Variants in SYNPO observed in about 807,000 individuals in gnomAD.
SYNPO encodes synaptopodin.
A neutral mutation model predicts 49.5 loss-of-function variants in SYNPO; 19 were observed. The observed-to-expected ratio is 0.38, with a 90% confidence interval of 0.27 to 0.56. The LOEUF (loss-of-function observed/expected upper bound fraction) is 0.56, where lower values mean the gene tolerates loss of function less well. Ranked by LOEUF, SYNPO falls within the 20% of genes least tolerant of loss-of-function variation. SYNPO has a pLI of 0.68. For synonymous variants in SYNPO, 536 were observed against 548.0 expected (o/e 0.98, Z 0.31); for missense variants, 1,131 against 1,248.3 (o/e 0.91, Z 1.42).
Position 150,643,566 on chromosome 5 carries a change from G to A in SYNPO, c.-333+2712G>A, listed in dbSNP as rs183947081. Reference sequence around the variant, plus strand: ...GTTGTTGTTGTTGAGATGGAATGTCGCTCTGTTGCCCAGGCTGCAGTGCAG... The same window carrying A: ...GTTGTTGTTGTTGAGATGGAATGTCACTCTGTTGCCCAGGCTGCAGTGCAG... On this transcript the variant is annotated intron_variant, in intron 1 of 2. Transcript: ENST00000307662. 3.3e-5 allele frequency among the ~76,000 whole-genome samples: 5 copies of A among 152,214 alleles called. No homozygotes were observed. The East Asian group carries it at 7.8e-4, about 24-fold the overall frequency.
At position 150,657,432 on chromosome 5, in the gene SYNPO, TCACACACACACACACACACA is replaced by T. The variant is rs58828199; in HGVS notation, c.*371_*390del. The T allele has an allele frequency of 5.7e-5, 8 of 139,746 alleles. No homozygotes were observed. Among genetic ancestry groups the T allele is most frequent in the African/African-American group, 1.4e-4 (5 of 35,212 alleles). The allele number at this position is 139,746 out of a possible 1,614,324, so 8.7% of individuals were successfully genotyped here. ...CTCTCTCTTTCTCTCTCTCTCTCTC[TCACACACACACACACACACA>T]CACACACACACACACACACACACAC... On this transcript the variant is annotated 3_prime_UTR_variant, in exon 3 of 3. Coordinates refer to ENST00000307662, the MANE Select transcript of SYNPO (RefSeq NM_007286.6).
At chr5:150,588,209 C>T in the SYNPO span, among the ~76,000 whole-genome samples, 1 of 152,192 alleles carries the variant, frequency 6.6e-6, no homozygotes, top group African/African-American at 2.4e-5. Context: ...GTCTGAGGAC[C>T]AACCTCCAAC....
intron 2 of SYNPO, among the ~76,000 whole-genome samples, chr5:150,627,269 G>A (rs1390682190): frequency 6.6e-6 from 1 of 152,210 alleles, no homozygotes; most frequent in Non-Finnish European, 1.5e-5. Flanking sequence ...GCAGGCTCTG[G>A]TCCCCATTGT....
At chr5:150,588,776 C>CT in the SYNPO span, among the ~76,000 whole-genome samples, 2,348 of 151,004 alleles carry the variant, frequency 0.016, 64 homozygotes, top group African/African-American at 0.054. Context: ...AATATGGAAC[C>CT]TTTTTTTTTA....
rs1348671791 is a variant in SYNPO, at chr5:150,657,454, A to T, written c.*367A>T. On this transcript the variant is annotated 3_prime_UTR_variant, in exon 3 of 3. Transcript: ENST00000307662. ...CTCTCACACACACACACACACACAC[A>T]CACACACACACACACACACACACTA... is the stretch of plus-strand genomic sequence containing the variant. 1.8e-5 allele frequency: 4 copies of T among 221,728 alleles called. No individual in the cohort carries two copies. Among genetic ancestry groups the T allele is most frequent in the African/African-American group, 6.9e-5 (3 of 43,654 alleles). The allele number at this position is 221,728 out of a possible 1,614,324, so 13.7% of individuals were successfully genotyped here.
intron 1 of SYNPO, among the ~76,000 whole-genome samples, chr5:150,643,184 G>T (rs1295027706): frequency 6.6e-6 from 1 of 152,216 alleles, no homozygotes; most frequent in East Asian, 1.9e-4. Context: ...CCAGCCAGGA[G>T]CCTGGTGCTC....
At position 150,657,244 on chromosome 5, in the gene SYNPO, G is replaced by A; in HGVS notation, c.*157G>A. 2 of 778,832 alleles carry A rather than the reference G, an allele frequency of 2.6e-6. No individual in the cohort carries two copies. Among genetic ancestry groups the A allele is most frequent in the South Asian group, 1.8e-5 (1 of 54,074 alleles). 48.2% of individuals were successfully genotyped at this position (778,832 alleles called of 1,614,324 possible). A position where few individuals can be genotyped will look rare whatever the true frequency, so the allele number is the denominator to read the frequency against. ...GGGGATGGGTTAGGGACGCAAGCTT[G>A]AGTTCTAGCCCTTGCTCTCATTCAG... On this transcript the variant is annotated 3_prime_UTR_variant, in exon 3 of 3. Transcript: ENST00000307662.
intron 2 of SYNPO, among the ~76,000 whole-genome samples, chr5:150,655,963 C>A (rs1412098606): frequency 6.6e-6 from 1 of 152,218 alleles, no homozygotes; most frequent in Non-Finnish European, 1.5e-5. Context: ...TCTGGTATTT[C>A]TTTATGGTAA....
intron 2 of SYNPO, among the ~76,000 whole-genome samples, chr5:150,629,992 G>A (rs368558225): frequency 7.9e-5 from 12 of 152,134 alleles, no homozygotes; most frequent in East Asian, 3.8e-4. Context: ...ACCTATCCCA[G>A]AACAGACAGC....
chr5:150,634,977 A>G (rs751160692), intron 2 of SYNPO, among the ~76,000 whole-genome samples: 21 of 152,194 alleles, frequency 1.4e-4, no homozygotes, highest in Non-Finnish European at 1.9e-4. Flanking sequence ...TATGACTGAG[A>G]TGCAGAGATC....
chr5:150,594,797 G>A, the SYNPO span, among the ~76,000 whole-genome samples: 1 of 152,208 alleles, frequency 6.6e-6, no homozygotes, highest in African/African-American at 2.4e-5. Context: ...GAGGCTCAGA[G>A]ATGGGGAAAG....
At chr5:150,636,124 C>T (rs1757707790), upstream of SYNPO, among the ~76,000 whole-genome samples, 1 of 152,176 alleles carries the variant, frequency 6.6e-6, no homozygotes, top group African/African-American at 2.4e-5. Flanking sequence ...TCCCTTCATG[C>T]CTGTGAACGG....
the SYNPO span, among the ~76,000 whole-genome samples, chr5:150,592,850 T>C: frequency 1.3e-5 from 2 of 152,234 alleles, no homozygotes; most frequent in East Asian, 1.9e-4. Flanking sequence ...GTATCTCCTC[T>C]AATACCACCT....
chr5:150,650,152 C>G lies in SYNPO; in HGVS notation c.1877C>G (p.Ser626Cys). ...CGCTCCTCACCGGGCCTCTACACCT[C>G]CCCCGGCCAGGACAGCCTGCAGCCC... ...PSRSSPGLYT[S>C]PGQDSLQPTA... Residue 626 changes from serine to cysteine, a missense_variant, in exon 2 of 3, where the codon TCC becomes TGC. Around this residue, in one of 4 missense-constraint regions of SYNPO, gnomAD observed 509 missense variants for 484.5 expected, o/e 1.05. Coordinates refer to ENST00000307662, the MANE Select transcript of SYNPO (RefSeq NM_007286.6). 6.2e-7 allele frequency: 1 copy of G among 1,613,840 alleles called. No individual in the cohort carries two copies. The highest frequency in any genetic ancestry group is 8.5e-7 in the Non-Finnish European group (1 of 1,179,984).
chr5:150,626,865 G>C lies in SYNPO; in HGVS notation c.400+8098G>C, dbSNP rs547134617. Among the ~76,000 whole-genome samples the C allele has an allele frequency of 2.6e-5, 4 of 152,294 alleles. No homozygotes were observed. In the East Asian group the frequency reaches 5.8e-4, roughly 22 times the overall value. ...AGCACATCCTTAATAGGTGAATGGCGACATGAGTGTCCATGGAGCACCTGG... is the reference window on the plus strand; with the variant it reads ...AGCACATCCTTAATAGGTGAATGGCCACATGAGTGTCCATGGAGCACCTGG... On this transcript the variant is annotated intron_variant, in intron 2 of 2. Transcript: ENST00000394243.
At chr5:150,618,490 C>T (rs1441327711) in exon 2 of SYNPO, 9 of 1,551,438 alleles carry the variant, frequency 5.8e-6, no homozygotes, top group Middle Eastern at 1.7e-4. Flanking sequence ...AGGAGAGCAG[C>T]GGTGAGGAGG....
At chr5:150,591,045 T>A in the SYNPO span, among the ~76,000 whole-genome samples, 1 of 151,678 alleles carries the variant, frequency 6.6e-6, no homozygotes, top group African/African-American at 2.4e-5. Context: ...GGGGAACAGA[T>A]GAGGCAAAGG....
rs1167684694 is a variant in SYNPO at position 150,656,257 on chromosome 5, C to T, written c.2029-147C>T. ...CGTTCCGGGCTGAGAGTTTGGGCGC[C>T]TGCGTTTTATTGCAGGCACTACCTG... On this transcript the variant is annotated intron_variant, in intron 2 of 2. Coordinates refer to ENST00000307662, the MANE Select transcript of SYNPO (RefSeq NM_007286.6). 6.3e-6 allele frequency: 4 copies of T among 631,566 alleles called. No individual in the cohort carries two copies. The African/African-American group carries it at 7.8e-5, about 12-fold the overall frequency. The allele number at this position is 631,566 out of a possible 1,614,324, so 39.1% of individuals were successfully genotyped here.
chr5:150,625,017 C>G (rs1437221859), intron 2 of SYNPO: 1 of 967,696 alleles, frequency 1.0e-6, no homozygotes, highest in African/African-American at 1.8e-5. Flanking sequence ...CATCTGGGCT[C>G]CAGTCCTCGC....
Sources: allele counts gnomAD v4.1 joint callset (sites outside exome capture counted in the v4.1 genomes callset), GRCh38; gene constraint gnomAD v4.1.1; regional missense constraint gnomAD v4.1.1; transcripts MANE v1.5; gene names NCBI Gene and HGNC (gene_info 2026-07-23, HGNC 2026-07-21).